Variants in HIBADH observed in about 807,000 individuals in gnomAD.
The protein encoded by HIBADH is 3-hydroxyisobutyrate dehydrogenase, mitochondrial.
Under a neutral mutation model 36.1 loss-of-function variants are expected in HIBADH, and 25 were observed. The observed-to-expected ratio is 0.69, with a 90% CI of 0.50 to 0.97. The LOEUF (loss-of-function observed/expected upper bound fraction) is 0.97. Ranked by LOEUF, HIBADH falls within the 50% of genes least tolerant of loss-of-function variation. The pLI is 0.00. For missense variants in HIBADH, 421 were observed against 418.0 expected, an observed-to-expected ratio of 1.01 and a Z score of -0.06; for synonymous variants, 160 against 149.5, an observed-to-expected ratio of 1.07 and a Z score of -0.51.
At chr7:27,653,872 A>T (rs1389718344) in intron 1 of HIBADH, among the ~76,000 whole-genome samples, 2 of 152,250 alleles carry the variant, frequency 1.3e-5, no homozygotes, top group East Asian at 3.8e-4. Flanking sequence ...ATGAGTATGA[A>T]GAGGCTGAAG....
chr7:27,562,350 C>T (rs1784480499), intron 4 of HIBADH, among the ~76,000 whole-genome samples: 3 of 152,158 alleles, frequency 2.0e-5, no homozygotes, highest in African/African-American at 7.2e-5. Context: ...CACATTACTT[C>T]TGTTCAGTAT....
At chr7:27,539,155 T>C (rs1784110540) in intron 5 of HIBADH, among the ~76,000 whole-genome samples, 1 of 152,106 alleles carries the variant, frequency 6.6e-6, no homozygotes, top group Non-Finnish European at 1.5e-5. Flanking sequence ...GGGGAAGCAC[T>C]ATGATGATAC....
intron 4 of HIBADH, among the ~76,000 whole-genome samples, chr7:27,570,058 CTTTG>C (rs1305442019): frequency 6.6e-6 from 1 of 152,214 alleles, no homozygotes; most frequent in African/African-American, 2.4e-5. Context: ...TTCATGCTGT[CTTTG>C]AATTCAGACT....
At chr7:27,662,289 G>A (rs1786438670) in intron 1 of HIBADH, among the ~76,000 whole-genome samples, 1 of 152,140 alleles carries the variant, frequency 6.6e-6, no homozygotes. Flanking sequence ...AACCCAAGGT[G>A]CACCCTGGGG....
At chr7:27,545,691 GAA>G (rs1183649097) in intron 4 of HIBADH, among the ~76,000 whole-genome samples, 15 of 152,220 alleles carry the variant, frequency 9.9e-5, no homozygotes, top group African/African-American at 3.1e-4. Context: ...AATACTGAAA[GAA>G]ATACTTATTT....
At chr7:27,640,861 C>A (rs1175821702) in intron 2 of HIBADH, among the ~76,000 whole-genome samples, 1 of 152,126 alleles carries the variant, frequency 6.6e-6, no homozygotes, top group Non-Finnish European at 1.5e-5. Context: ...TCTATACATA[C>A]AAAAGGTACA....
chr7:27,641,167 C>T (rs1036796535), intron 2 of HIBADH, among the ~76,000 whole-genome samples: 1 of 151,810 alleles, frequency 6.6e-6, no homozygotes, highest in Non-Finnish European at 1.5e-5. Context: ...CACTCCCCAA[C>T]TCTTCCAATA....
intron 4 of HIBADH, among the ~76,000 whole-genome samples, chr7:27,587,660 C>T (rs1012047982): frequency 6.6e-6 from 1 of 152,170 alleles, no homozygotes; most frequent in African/African-American, 2.4e-5. Flanking sequence ...TATACCCTCT[C>T]GCCTTACCGC....
intron 4 of HIBADH, among the ~76,000 whole-genome samples, chr7:27,578,726 A>G (rs918412450): frequency 2.6e-5 from 4 of 152,188 alleles, no homozygotes; most frequent in Admixed American, 6.5e-5. Context: ...TTGTTGTTAC[A>G]ATAAGCTAGG....
chr7:27,621,519 C>T (rs761088001), intron 4 of HIBADH, among the ~76,000 whole-genome samples: 7 of 152,120 alleles, frequency 4.6e-5, no homozygotes, highest in Non-Finnish European at 1.0e-4. Flanking sequence ...CAGCCAGGCG[C>T]AGTGGCTCAC....
At chr7:27,594,650 A>G (rs1785000775) in intron 4 of HIBADH, among the ~76,000 whole-genome samples, 1 of 152,234 alleles carries the variant, frequency 6.6e-6, no homozygotes, top group Admixed American at 6.5e-5. Context: ...AACAATAAAC[A>G]AGCAAAAGTA....
intron 4 of HIBADH, among the ~76,000 whole-genome samples, chr7:27,615,241 C>T (rs1380270243): frequency 6.6e-6 from 1 of 152,012 alleles, no homozygotes; most frequent in African/African-American, 2.4e-5. Flanking sequence ...CACCAAGGAA[C>T]GAGACTGAAG....
At chr7:27,610,118 CA>C (rs1422034114) in intron 4 of HIBADH, among the ~76,000 whole-genome samples, 1 of 151,918 alleles carries the variant, frequency 6.6e-6, no homozygotes, top group African/African-American at 2.4e-5. Context: ...CACGCCTGGC[CA>C]AAAGTAACTT....
intron 4 of HIBADH, among the ~76,000 whole-genome samples, chr7:27,595,455 T>C (rs917660594): frequency 2.0e-5 from 3 of 151,892 alleles, no homozygotes; most frequent in Admixed American, 6.6e-5. Context: ...GAGGCAGAGG[T>C]TGCAGTGAGC....
At chr7:27,548,196 T>TA (rs36140938) in intron 4 of HIBADH, among the ~76,000 whole-genome samples, 34,536 of 144,062 alleles carry the variant, frequency 0.24, 4,601 homozygotes, top group Non-Finnish European at 0.3. Context: ...CTCTCTCTCT[T>TA]AAAAAAAAAA....
At position 27,649,088 on chromosome 7, in the gene HIBADH, A is replaced by G. The variant is rs118061728; in HGVS notation, c.252+385T>C. 2.2e-3 allele frequency: 339 copies of G among 155,172 alleles called. 17 individuals carry two copies. The East Asian group carries it at 0.056, about 26-fold the overall frequency. 9.6% of individuals were successfully genotyped at this position (155,172 alleles called of 1,614,324 possible). On this transcript the variant is annotated intron_variant, in intron 2 of 7. Coordinates refer to ENST00000265395, the MANE Select transcript of HIBADH (RefSeq NM_152740.4). ...TGAGCTTCAACTCAAACTAAGCTTTATATCTCTAAGCCTACTCTTGTTTTA... is the reference window on the plus strand; with the variant it reads ...TGAGCTTCAACTCAAACTAAGCTTTGTATCTCTAAGCCTACTCTTGTTTTA...
intron 4 of HIBADH, among the ~76,000 whole-genome samples, chr7:27,562,410 T>C (rs1013582923): frequency 6.6e-6 from 1 of 152,246 alleles, no homozygotes; most frequent in Non-Finnish European, 1.5e-5. Context: ...TTAGATATTT[T>C]CAGATTTATC....
At chr7:27,556,431 A>G (rs1171697044) in intron 4 of HIBADH, among the ~76,000 whole-genome samples, 1 of 132,294 alleles carries the variant, frequency 7.6e-6, no homozygotes, top group Non-Finnish European at 1.6e-5. Flanking sequence ...GTGTGTTTTC[A>G]ATTCTTGGAT....
chr7:27,621,866 G>C (rs978165524), intron 4 of HIBADH, among the ~76,000 whole-genome samples: 7 of 152,128 alleles, frequency 4.6e-5, no homozygotes, highest in African/African-American at 1.4e-4. Context: ...TTAATACAAA[G>C]AAGAATTCTA....
Sources: gnomAD v4.1 joint callset for allele counts (sites outside exome capture counted in the v4.1 genomes callset) on GRCh38, gnomAD v4.1.1 for gene constraint, MANE v1.5 for transcripts, NCBI Gene and HGNC (gene_info 2026-07-23, HGNC 2026-07-21) for gene names.